FNDC3A: variants seen among roughly 807,000 people sequenced by gnomAD.
The protein encoded by FNDC3A is fibronectin type III domain containing 3A, also known as fibronectin type-III domain-containing protein 3A.
A neutral mutation model predicts 148.9 loss-of-function variants in FNDC3A; 32 were observed. The observed-to-expected ratio is 0.21, with a 90% CI of 0.16 to 0.29. The LOEUF is 0.29. Among genes scored for constraint, FNDC3A ranks in the 10% least tolerant of loss-of-function variants. The probability of loss-of-function intolerance (pLI) is 1.00; values close to 1 mark genes in which losing one functional copy is unlikely to be tolerated. For missense variants in FNDC3A, 1,191 were observed against 1,452.8 expected (o/e 0.82, Z 2.93); for synonymous variants, 472 against 473.6 (o/e 1.00, Z 0.04).
chr13:49,056,512 C>G (rs1876255373), intron 2 of FNDC3A, among the ~76,000 whole-genome samples: 1 of 152,088 alleles, frequency 6.6e-6, no homozygotes, highest in Non-Finnish European at 1.5e-5. Context: ...CAGAAAAATT[C>G]TTGGCTGGTT....
Position 49,209,041 on chromosome 13 carries a change from A to C in FNDC3A, c.*1646A>C, listed in dbSNP as rs1465314511. 1 of 152,674 alleles carries C rather than the reference A, an allele frequency of 6.5e-6. No individual in the cohort carries two copies. Among genetic ancestry groups the C allele is most frequent in the Non-Finnish European group, 1.5e-5 (1 of 68,038 alleles). 9.5% of individuals were successfully genotyped at this position (152,674 alleles called of 1,614,324 possible). ...TTCTAAGTGGTAAGAATGACCTGTC[A>C]CTATAATATACTGTATGTTTACATT... On this transcript the variant is annotated 3_prime_UTR_variant, in exon 26 of 26. Transcript: ENST00000492622.
intron 7 of FNDC3A, among the ~76,000 whole-genome samples, chr13:49,145,170 A>G (rs1463858260): frequency 6.6e-6 from 1 of 152,232 alleles, no homozygotes; most frequent in Non-Finnish European, 1.5e-5. Flanking sequence ...CTTACATTTT[A>G]TAATGATTCA....
At chr13:48,995,268 A>G (rs975154423) in intron 1 of FNDC3A, among the ~76,000 whole-genome samples, 1 of 150,776 alleles carries the variant, frequency 6.6e-6, no homozygotes, top group African/African-American at 2.4e-5. Context: ...CTGACTTCTA[A>G]CAAAATACTG....
At chr13:49,190,361 T>C (rs1885821333) in intron 17 of FNDC3A, among the ~76,000 whole-genome samples, 1 of 152,202 alleles carries the variant, frequency 6.6e-6, no homozygotes, top group Non-Finnish European at 1.5e-5. Context: ...AGATAATCTT[T>C]TAATGTATAA....
chr13:48,999,911 C>A (rs1952094466), intron 1 of FNDC3A, among the ~76,000 whole-genome samples: 1 of 152,198 alleles, frequency 6.6e-6, no homozygotes, highest in Admixed American at 6.5e-5. Context: ...TCTTAAACTT[C>A]CCAGCCTCCA....
At chr13:49,113,131 CCTT>C (rs914594075) in intron 3 of FNDC3A, among the ~76,000 whole-genome samples, 1 of 150,276 alleles carries the variant, frequency 6.7e-6, no homozygotes, top group Non-Finnish European at 1.5e-5. Context: ...CCTCTCCCTC[CCTT>C]CTTGTCTTCT....
intron 4 of FNDC3A, among the ~76,000 whole-genome samples, chr13:49,127,987 T>C (rs1014449924): frequency 2.6e-5 from 4 of 152,092 alleles, no homozygotes; most frequent in Non-Finnish European, 1.5e-5. Context: ...GTTCAAACGA[T>C]TCTCTTGCCT....
At chr13:49,066,295 T>G (rs918573913) in intron 2 of FNDC3A, among the ~76,000 whole-genome samples, 6 of 152,218 alleles carry the variant, frequency 3.9e-5, no homozygotes, top group Non-Finnish European at 8.8e-5. Context: ...ATTTGTGACT[T>G]CTGAACTAAC....
intron 3 of FNDC3A, among the ~76,000 whole-genome samples, chr13:49,076,593 T>A (rs1233248948): frequency 1.3e-5 from 2 of 152,082 alleles, no homozygotes; most frequent in Admixed American, 6.5e-5. Flanking sequence ...CTGTCAATAA[T>A]AGTACACCTT....
At chr13:49,059,989 A>G (rs1333454240) in intron 2 of FNDC3A, among the ~76,000 whole-genome samples, 1 of 152,260 alleles carries the variant, frequency 6.6e-6, no homozygotes, top group Admixed American at 6.5e-5. Flanking sequence ...TAGGATAGAT[A>G]TAATTAAAAA....
chr13:49,170,459 C>A (rs1252364632), intron 10 of FNDC3A, among the ~76,000 whole-genome samples: 1 of 152,100 alleles, frequency 6.6e-6, no homozygotes, highest in Non-Finnish European at 1.5e-5. Flanking sequence ...AGAGAGGTAT[C>A]TTATTAACTG....
intron 3 of FNDC3A, among the ~76,000 whole-genome samples, chr13:49,081,776 C>T (rs1878487595): frequency 6.6e-6 from 1 of 152,100 alleles, no homozygotes; most frequent in Non-Finnish European, 1.5e-5. Context: ...ATTCAGTATT[C>T]AGTGAGGGAC....
chr13:49,194,738 C>G (rs907675227), intron 19 of FNDC3A, among the ~76,000 whole-genome samples: 6 of 152,046 alleles, frequency 3.9e-5, no homozygotes, highest in African/African-American at 1.4e-4. Context: ...TTGCCTTAAA[C>G]AAAATCACAG....
At chr13:49,152,044 C>T (rs1392117951) in intron 8 of FNDC3A, among the ~76,000 whole-genome samples, 1 of 152,144 alleles carries the variant, frequency 6.6e-6, no homozygotes. Context: ...AACATGTGTG[C>T]ATGTGTCTTT....
chr13:49,142,844 A>G (rs60977979), intron 7 of FNDC3A, among the ~76,000 whole-genome samples: 5,950 of 152,240 alleles, frequency 0.039, 353 homozygotes, highest in African/African-American at 0.13. Flanking sequence ...GACTTAACAT[A>G]TAAGTGCAAG....
chr13:49,169,910 A>G (rs1228091944), intron 10 of FNDC3A, among the ~76,000 whole-genome samples: 2 of 152,198 alleles, frequency 1.3e-5, no homozygotes, highest in Non-Finnish European at 2.9e-5. Context: ...TGTCACTTAC[A>G]GTAGTATTTT....
At position 49,016,389 on chromosome 13, in the gene FNDC3A, G is replaced by A. The variant is rs576145428; in HGVS notation, c.99+10100G>A. 3.3e-3 allele frequency among the ~76,000 whole-genome samples: 497 copies of A among 152,210 alleles called. 5 individuals carry two copies. Among genetic ancestry groups the A allele is most frequent in the South Asian group, 7.1e-3 (34 of 4,812 alleles). The stretch of plus-strand genomic sequence containing the variant: ...CTTCTAGATTTTCTAGTTTATTTGC[G>A]TAGAGGTGTTTGTAGTATTCTCTGA... On this transcript the variant is annotated intron_variant, in intron 2 of 25. Transcript: ENST00000492622.
At chr13:49,189,950 G>C (rs995450961) in intron 17 of FNDC3A, among the ~76,000 whole-genome samples, 2 of 152,052 alleles carry the variant, frequency 1.3e-5, no homozygotes, top group Non-Finnish European at 2.9e-5. Context: ...GCAGTGGCAC[G>C]ATCTCGGCTC....
intron 12 of FNDC3A, among the ~76,000 whole-genome samples, chr13:49,175,100 G>A (rs1034500825): frequency 3.3e-5 from 5 of 152,014 alleles, no homozygotes; most frequent in African/African-American, 1.2e-4. Context: ...TTTCCATAAG[G>A]TAATGTGTAT....
Sources: gnomAD v4.1 joint callset for allele counts (sites outside exome capture counted in the v4.1 genomes callset) on GRCh38, gnomAD v4.1.1 for gene constraint, MANE v1.5 for transcripts, NCBI Gene and HGNC (gene_info 2026-07-23, HGNC 2026-07-21) for gene names.